Variants in ARID1B observed in about 807,000 individuals in gnomAD.
ARID1B encodes the protein AT-rich interaction domain 1B.
A neutral mutation model predicts 212.3 loss-of-function variants in ARID1B; 30 were observed. That is an observed-to-expected ratio of 0.14 (90% confidence interval 0.11 to 0.19). The LOEUF is 0.19. ARID1B is among the 10% of genes least tolerant of loss of function. The probability of loss-of-function intolerance (pLI) is 1.00; values close to 1 mark genes in which losing one functional copy is unlikely to be tolerated. For missense variants in ARID1B, 2,891 were observed against 3,204.0 expected (o/e 0.90, Z 2.36); for synonymous variants, 1,402 against 1,301.7 (o/e 1.08, Z -1.66).
Position 156,945,187 on chromosome 6 carries a change from T to A in ARID1B, c.2247+9611T>A, listed in dbSNP as rs576811632. 4.3e-3 allele frequency among the ~76,000 whole-genome samples: 601 copies of A among 138,796 alleles called. 3 individuals are homozygous for A. The highest frequency in any genetic ancestry group is 7.9e-3 in the Middle Eastern group (2 of 254). 91.1% of individuals were successfully genotyped at this position (138,796 alleles called of 152,430 possible). ...CCTGACCTTGTGATCCGCCCGCCTC[T>A]GCCACCCAAAGTACTGGGATGACCG... On this transcript the variant is annotated intron_variant, in intron 4 of 19. Coordinates refer to ENST00000636930, the MANE Select transcript of ARID1B (RefSeq NM_001374828.1).
intron 4 of ARID1B, among the ~76,000 whole-genome samples, chr6:156,963,619 C>A (rs746529363): frequency 7.9e-5 from 12 of 152,078 alleles, no homozygotes; most frequent in Non-Finnish European, 1.5e-4. Context: ...CAGAATGATA[C>A]TTAAGCGTTT....
At chr6:157,027,975 T>C (rs1438089346) in intron 4 of ARID1B, among the ~76,000 whole-genome samples, 1 of 152,316 alleles carries the variant, frequency 6.6e-6, no homozygotes, top group East Asian at 1.9e-4. Context: ...ATGTCAAAAT[T>C]AGGAAAAGAG....
chr6:157,106,956 G>A (rs61004643), intron 5 of ARID1B, among the ~76,000 whole-genome samples: 26 of 152,322 alleles, frequency 1.7e-4, no homozygotes, highest in African/African-American at 5.8e-4. Flanking sequence ...AAAGGATCCA[G>A]AAATTCGTGA....
intron 4 of ARID1B, among the ~76,000 whole-genome samples, chr6:156,948,241 T>G (rs1323182767): frequency 6.6e-6 from 1 of 152,250 alleles, no homozygotes; most frequent in Non-Finnish European, 1.5e-5. Flanking sequence ...ATTTAATATG[T>G]TTTTGAGACA....
intron 4 of ARID1B, among the ~76,000 whole-genome samples, chr6:156,978,859 A>G (rs1350705041): frequency 2.0e-5 from 3 of 152,226 alleles, no homozygotes; most frequent in African/African-American, 2.4e-5. Context: ...AGCCTTCAAT[A>G]TAGCAGAATC....
chr6:157,075,392 G>T (rs931618640), intron 4 of ARID1B, among the ~76,000 whole-genome samples: 11 of 152,132 alleles, frequency 7.2e-5, no homozygotes, highest in Admixed American at 1.3e-4. Flanking sequence ...TCTTAAAAAT[G>T]ATTTTAATGA....
In ARID1B at chr6:157,088,629, C is replaced by A. The variant is rs150518128; in HGVS notation, c.2491+3724C>A. On this transcript the variant is annotated intron_variant, in intron 5 of 19. Transcript: ENST00000636930. ...TGATCTTGGTCATAGGTAATAAAAC[C>A]ACATTTTGGAGATGATCATAAAGTT... Among the ~76,000 whole-genome samples, 4 of 152,112 alleles carry A rather than the reference C, an allele frequency of 2.6e-5. No individual in the cohort carries two copies. In the East Asian group the frequency reaches 7.7e-4, roughly 29 times the overall value.
At chr6:157,033,342 A>G (rs1781126992) in intron 4 of ARID1B, among the ~76,000 whole-genome samples, 1 of 152,184 alleles carries the variant, frequency 6.6e-6, no homozygotes, top group African/African-American at 2.4e-5. Context: ...ATTATTTCTC[A>G]CTTTAGTTCC....
At chr6:157,057,411 T>A (rs1445801938) in intron 4 of ARID1B, among the ~76,000 whole-genome samples, 4 of 146,636 alleles carry the variant, frequency 2.7e-5, no homozygotes, top group Non-Finnish European at 4.6e-5. Context: ...TTCAATTATG[T>A]TTGCAGGTAT....
chr6:156,897,264 C>CTTATTATTATTATTATTATTA (rs1163995525), intron 2 of ARID1B, among the ~76,000 whole-genome samples: 1,099 of 83,512 alleles, frequency 0.013, 20 homozygotes, highest in Non-Finnish European at 0.02. Context: ...TCTTCTTCTT[C>CTTATTATTATTATTATTATTA]TTATTATTAT....
At chr6:156,816,474 A>G (rs1445080886) in intron 1 of ARID1B, among the ~76,000 whole-genome samples, 1 of 152,224 alleles carries the variant, frequency 6.6e-6, no homozygotes, top group Non-Finnish European at 1.5e-5. Flanking sequence ...AGGGTGAGGA[A>G]AAAACATATC....
At chr6:156,901,746 T>G in intron 3 of ARID1B, 1 of 613,444 alleles carries the variant, frequency 1.6e-6, no homozygotes, top group Non-Finnish European at 2.8e-6. Flanking sequence ...AATAGCTGCT[T>G]GCATTACTGG....
At chr6:156,911,420 G>C (rs1789881652) in intron 3 of ARID1B, among the ~76,000 whole-genome samples, 1 of 144,704 alleles carries the variant, frequency 6.9e-6, no homozygotes, top group Non-Finnish European at 1.5e-5. Context: ...GCTGTGGCAT[G>C]GTGATCTTTT....
intron 6 of ARID1B, among the ~76,000 whole-genome samples, chr6:157,128,682 C>T (rs1326799240): frequency 2.6e-5 from 4 of 152,092 alleles, no homozygotes; most frequent in Non-Finnish European, 5.9e-5. Context: ...GCTGTACCTG[C>T]CAGATGAAAT....
intron 1 of ARID1B, among the ~76,000 whole-genome samples, chr6:156,818,124 T>TTTTTA (rs1554255156): frequency 2.2e-5 from 3 of 133,380 alleles, no homozygotes; most frequent in African/African-American, 5.6e-5. Context: ...TTTTTTTTTT[T>TTTTTA]AGAATATAAG....
At chr6:156,856,886 C>A (rs905599576) in intron 2 of ARID1B, among the ~76,000 whole-genome samples, 8 of 151,954 alleles carry the variant, frequency 5.3e-5, no homozygotes, top group Non-Finnish European at 1.2e-4. Flanking sequence ...CATATCTAAA[C>A]TGGACCGTTG....
intron 4 of ARID1B, among the ~76,000 whole-genome samples, chr6:157,042,659 CTTTTT>C (rs35567695): frequency 7.3e-6 from 1 of 136,152 alleles, no homozygotes. Flanking sequence ...CCCTCCACTC[CTTTTT>C]TTTTTTTTTT....
At chr6:156,777,194 G>T (rs991280803), upstream of ARID1B, 1 of 151,104 alleles carries the variant, frequency 6.6e-6, no homozygotes. Flanking sequence ...GCTCCGAGCG[G>T]CCGCCGAGCC....
chr6:156,892,092 G>A (rs186422610), intron 2 of ARID1B, among the ~76,000 whole-genome samples: 1 of 147,894 alleles, frequency 6.8e-6, no homozygotes, highest in African/African-American at 2.5e-5. Context: ...TAGTGACGGG[G>A]TTTCACCATG....
Sources: gnomAD v4.1 joint callset for allele counts (sites outside exome capture counted in the v4.1 genomes callset) on GRCh38, gnomAD v4.1.1 for gene constraint, MANE v1.5 for transcripts, NCBI Gene and HGNC (gene_info 2026-07-23, HGNC 2026-07-21) for gene names.